ZNF678: variants seen among roughly 807,000 people sequenced by gnomAD.
ZNF678 encodes the protein zinc finger protein 678.
A neutral mutation model predicts 3.0 loss-of-function variants in ZNF678; 5 were observed. That is an observed-to-expected ratio of 1.69 (90% confidence interval 0.88 to 3.56). The LOEUF (loss-of-function observed/expected upper bound fraction) is 3.56, where lower values mean the gene tolerates loss of function less well. Among genes scored for constraint, ZNF678 ranks in the 30% most tolerant of loss-of-function variants. ZNF678 has a pLI of 0.00. For missense variants in ZNF678, 593 were observed against 605.0 expected (o/e 0.98, Z 0.21); for synonymous variants, 218 against 199.6 (o/e 1.09, Z -0.78).
At position 227,621,763 on chromosome 1, in the gene ZNF678, A is replaced by G. The variant is rs140017666; in HGVS notation, c.-163-24781A>G. On this transcript the variant is annotated intron_variant, in intron 1 of 3. Coordinates refer to ENST00000343776, the MANE Select transcript of ZNF678 (RefSeq NM_001367909.1). ...TGGACTTTTGGCCAAGGGAATCCCA[A>G]TGAAACCTGAAAAACTAATTTAGGC... Among the ~76,000 whole-genome samples the G allele has an allele frequency of 4.7e-3, 718 of 152,328 alleles. 19 individuals carry two copies. The South Asian group carries it at 0.057, about 12-fold the overall frequency.
chr1:227,652,627 A>G (rs916413323), intron 3 of ZNF678, among the ~76,000 whole-genome samples: 1 of 152,126 alleles, frequency 6.6e-6, no homozygotes, highest in African/African-American at 2.4e-5. Context: ...ATAAACTGGT[A>G]ATAGCTTAAC....
intron 1 of ZNF678, among the ~76,000 whole-genome samples, chr1:227,612,830 T>G (rs909756276): frequency 6.6e-6 from 1 of 152,310 alleles, no homozygotes; most frequent in Admixed American, 6.5e-5. Flanking sequence ...TCACCAAATA[T>G]GCCCCCACTG....
chr1:227,635,049 A>G (rs1658639030), intron 1 of ZNF678, among the ~76,000 whole-genome samples: 1 of 150,706 alleles, frequency 6.6e-6, no homozygotes, highest in South Asian at 2.1e-4. Context: ...TTTTGGAGAA[A>G]GTGAGGGAAG....
At position 227,668,801 on chromosome 1, in the gene ZNF678, C is replaced by G. The variant is rs550753050; in HGVS notation, c.227-8378C>G. Among the ~76,000 whole-genome samples the G allele has an allele frequency of 2.6e-5, 4 of 152,224 alleles. No homozygotes were observed. The South Asian group carries it at 8.3e-4, about 32-fold the overall frequency. The stretch of plus-strand genomic sequence containing the variant: ...TATTGCCAGCCAGTTATGCCAACAC[C>G]ATTTATTGAATAGGAAGTCGTTTCT... On this transcript the variant is annotated intron_variant, in intron 5 of 5. Transcript: ENST00000608949.
At chr1:227,569,926 T>C (rs77111219) in intron 1 of ZNF678, among the ~76,000 whole-genome samples, 34 of 147,100 alleles carry the variant, frequency 2.3e-4, no homozygotes, top group African/African-American at 2.7e-4. Context: ...TTTCAGTAGG[T>C]AAAGATCTTC....
downstream of ZNF678, among the ~76,000 whole-genome samples, chr1:227,667,130 ACCTCCTGGGGTCAAGCGAT>A (rs1398547586): frequency 6.7e-6 from 1 of 148,302 alleles, no homozygotes; most frequent in East Asian, 2.0e-4. Context: ...TGCAGCCTCG[ACCTCCTGGGGTCAAGCGAT>A]CCTCCTTCCT....
chr1:227,602,828 C>G (rs193078492), intron 1 of ZNF678, among the ~76,000 whole-genome samples: 35 of 152,310 alleles, frequency 2.3e-4, no homozygotes, highest in Admixed American at 1.5e-3. Flanking sequence ...TTGTTGGTTA[C>G]ACTTTAAAGA....
intron 1 of ZNF678, among the ~76,000 whole-genome samples, chr1:227,611,974 C>G (rs929020101): frequency 6.6e-6 from 1 of 152,222 alleles, no homozygotes; most frequent in Non-Finnish European, 1.5e-5. Flanking sequence ...TGTTTCTGTA[C>G]TTCACAAGAC....
chr1:227,651,518 G>A (rs1462674207), intron 3 of ZNF678, among the ~76,000 whole-genome samples: 1 of 152,178 alleles, frequency 6.6e-6, no homozygotes, highest in Non-Finnish European at 1.5e-5. Context: ...TGACTGGGTA[G>A]GACCTCTTCT....
intron 1 of ZNF678, among the ~76,000 whole-genome samples, chr1:227,619,182 T>C (rs758877001): frequency 3.9e-5 from 6 of 152,156 alleles, no homozygotes; most frequent in Non-Finnish European, 7.4e-5. Context: ...AGCCAAACCA[T>C]ATCATCACCC....
intron 1 of ZNF678, among the ~76,000 whole-genome samples, chr1:227,585,713 G>A (rs1571866112): frequency 1.3e-5 from 2 of 151,866 alleles, no homozygotes; most frequent in African/African-American, 4.8e-5. Flanking sequence ...GTGGTTGGTG[G>A]TTGCAGTGAG....
chr1:227,645,720 AT>A (rs1252126049), intron 1 of ZNF678, among the ~76,000 whole-genome samples: 1 of 152,196 alleles, frequency 6.6e-6, no homozygotes, highest in African/African-American at 2.4e-5. Flanking sequence ...TTAGATTCAG[AT>A]TTTGCCTTCT....
chr1:227,650,827 A>AT, intron 2 of ZNF678, 129 bp from the exon 3 acceptor site: 1 of 654,964 alleles, frequency 1.5e-6, no homozygotes, highest in Non-Finnish European at 2.4e-6. Context: ...ATTTACTGAG[A>AT]TTTTTGATTT....
chr1:227,629,740 G>A (rs964390791), intron 1 of ZNF678, among the ~76,000 whole-genome samples: 5 of 152,304 alleles, frequency 3.3e-5, no homozygotes, highest in African/African-American at 1.2e-4. Flanking sequence ...TCATACCCTG[G>A]GGTGCGGTGG....
downstream of ZNF678, among the ~76,000 whole-genome samples, chr1:227,666,111 C>T (rs1018359277): frequency 1.3e-5 from 2 of 152,182 alleles, no homozygotes; most frequent in African/African-American, 4.8e-5. Flanking sequence ...CAGAAGTTAT[C>T]TGACGTATAT....
intron 1 of ZNF678, among the ~76,000 whole-genome samples, chr1:227,606,491 T>A (rs1327874324): frequency 3.3e-5 from 5 of 152,190 alleles, no homozygotes. Flanking sequence ...AATGGTCGGC[T>A]TTACACGGAG....
At position 227,573,218 on chromosome 1, in the gene ZNF678, C is replaced by T. The variant is rs78547918; in HGVS notation, c.-164+9494C>T. ...ATACAGCGTGGGGGTGGTGCATTAA[C>T]GTAATTCTCAGGGCTGAAAATGCCA... On this transcript the variant is annotated intron_variant, in intron 1 of 3. Coordinates refer to ENST00000343776, the MANE Select transcript of ZNF678 (RefSeq NM_001367909.1). Among the ~76,000 whole-genome samples the T allele has an allele frequency of 4.2e-3, 635 of 152,294 alleles. 5 individuals are homozygous for T. The highest frequency in any genetic ancestry group is 0.014 in the African/African-American group (578 of 41,566).
chr1:227,636,021 G>A lies in ZNF678; in HGVS notation c.-163-10523G>A, dbSNP rs543948524. Among the ~76,000 whole-genome samples the A allele has an allele frequency of 6.6e-5, 10 of 152,244 alleles. No individual in the cohort carries two copies. The South Asian group carries it at 1.5e-3, about 22-fold the overall frequency. ...AATTTTGGGGGTATTCTTAAGAGAC[G>A]GGATGGTATCCATCGTGTCGTTGTA... On this transcript the variant is annotated intron_variant, in intron 1 of 3. Transcript: ENST00000343776.
chr1:227,605,892 A>G (rs1657856019), intron 1 of ZNF678, among the ~76,000 whole-genome samples: 1 of 152,248 alleles, frequency 6.6e-6, no homozygotes, highest in Non-Finnish European at 1.5e-5. Flanking sequence ...GTGGAAGTAT[A>G]AGCATAAATG....
Sources: gnomAD v4.1 joint callset for allele counts (sites outside exome capture counted in the v4.1 genomes callset) on GRCh38, gnomAD v4.1.1 for gene constraint, MANE v1.5 for transcripts, NCBI Gene and HGNC (gene_info 2026-07-23, HGNC 2026-07-21) for gene names.